The following PIK3CA variants were observed in gnomAD, a reference collection of about 807,000 sequenced individuals.
The protein encoded by PIK3CA is phosphatidylinositol 4,5-bisphosphate 3-kinase catalytic subunit alpha isoform.
Under a neutral mutation model 138.2 loss-of-function variants are expected in PIK3CA, and 27 were observed. The ratio of observed to expected loss-of-function variants is 0.20; its 90% CI spans 0.14 to 0.27. PIK3CA has a LOEUF of 0.27. Ranked by LOEUF, PIK3CA falls within the 10% of genes least tolerant of loss-of-function variation. The probability of loss-of-function intolerance (pLI) is 1.00; values close to 1 mark genes in which losing one functional copy is unlikely to be tolerated. For synonymous variants in PIK3CA, 358 were observed against 413.2 expected (o/e 0.87, Z 1.62); for missense variants, 544 against 1,277.4 (o/e 0.43, Z 8.75).
chr3:179,203,048 C>T (rs1235167881), intron 4 of PIK3CA, among the ~76,000 whole-genome samples: 1 of 148,038 alleles, frequency 6.8e-6, no homozygotes, highest in Non-Finnish European at 1.5e-5. Context: ...TCACGCCATT[C>T]TCCTGCCTCA....
rs187933662 is a variant in PIK3CA, at chr3:179,194,931, A to G, written c.-76-3819A>G. ...TCCCCAGTAAACTATGAGACCCTTA[A>G]CTGTGGAAGGGAAGGCATCTTTTTA... On this transcript the variant is annotated intron_variant, in intron 1 of 20. Coordinates refer to ENST00000263967, the MANE Select transcript of PIK3CA (RefSeq NM_006218.4). 7.3e-5 allele frequency among the ~76,000 whole-genome samples: 11 copies of G among 151,496 alleles called. No individual in the cohort carries two copies. The East Asian group carries it at 2.1e-3, about 29-fold the overall frequency.
chr3:179,234,959 C>A lies in PIK3CA; in HGVS notation c.*595C>A, dbSNP rs980482997. ...CTTGAGATTTCACCAGAGACTTTTT[C>A]TTTTTAATAAATCAAACCTTTTGAT... On this transcript the variant is annotated 3_prime_UTR_variant, in exon 21 of 21. Transcript: ENST00000263967. The surrounding 1 kb of genome is among the most constrained non-coding windows in gnomAD (Gnocchi z 5.1). The A allele has an allele frequency of 4.5e-6, 1 of 220,294 alleles. No individual in the cohort carries two copies. Among genetic ancestry groups the A allele is most frequent in the African/African-American group, 2.3e-5 (1 of 44,322 alleles). The allele number at this position is 220,294 out of a possible 1,614,324, so 13.6% of individuals were successfully genotyped here.
At chr3:179,201,866 A>G (rs531664369) in intron 4 of PIK3CA, among the ~76,000 whole-genome samples, 1 of 152,272 alleles carries the variant, frequency 6.6e-6, no homozygotes, top group East Asian at 1.9e-4. Flanking sequence ...GTGGCTTCCC[A>G]AAGTGCTGGG....
intron 17 of PIK3CA, among the ~76,000 whole-genome samples, chr3:179,227,152 A>AT (rs1328297627): frequency 6.6e-5 from 10 of 152,016 alleles, no homozygotes; most frequent in Admixed American, 5.9e-4. Flanking sequence ...TTAGTCTTGT[A>AT]TTTTCTGAAT....
chr3:179,222,888 T>C (rs574720175), intron 14 of PIK3CA, among the ~76,000 whole-genome samples: 3 of 152,336 alleles, frequency 2.0e-5, no homozygotes, highest in East Asian at 3.9e-4. Context: ...GTCAAAACCA[T>C]TGTAAGTTGG....
rs377089709 is a variant in PIK3CA, at chr3:179,230,772, T to C, written c.2936+396T>C. On this transcript the variant is annotated intron_variant, in intron 20 of 20. Transcript: ENST00000263967. This position sits in a 1 kb window ranked among gnomAD's most constrained non-coding sequence, Gnocchi z 5.4. ...CTGTATCAAAATAAATAAAATGAAA[T>C]AATAGAAGTTCTTTTACCACTTCAG... Among the ~76,000 whole-genome samples, 5 of 152,070 alleles carry C rather than the reference T, an allele frequency of 3.3e-5. No homozygotes were observed. In the East Asian group the frequency reaches 9.6e-4, roughly 29 times the overall value.
intron 1 of PIK3CA, among the ~76,000 whole-genome samples, chr3:179,183,532 A>G (rs1031199643): frequency 6.6e-6 from 1 of 152,216 alleles, no homozygotes; most frequent in Non-Finnish European, 1.5e-5. Context: ...TTGGCATTTG[A>G]AATGAGCAGG....
intron 1 of PIK3CA, among the ~76,000 whole-genome samples, chr3:179,165,498 C>T (rs953265972): frequency 1.3e-5 from 2 of 151,970 alleles, no homozygotes; most frequent in Non-Finnish European, 2.9e-5. Context: ...CTTAAGTAGT[C>T]CTCCCACCTC....
chr3:179,182,132 C>T (rs1291985080), intron 1 of PIK3CA, among the ~76,000 whole-genome samples: 1 of 152,130 alleles, frequency 6.6e-6, no homozygotes, highest in African/African-American at 2.4e-5. Flanking sequence ...CTTACGTCTT[C>T]CTCTGTGCCT....
Position 179,220,171 on chromosome 3 carries a change from A to G in PIK3CA, c.2015+119A>G, listed in dbSNP as rs571721530. ...TTATGTTTGGCTGGAAGAGTTTTCC[A>G]TACTAAAAGTATTTTGTACCAGTGA... is the stretch of plus-strand genomic sequence containing the variant. On this transcript the variant is annotated intron_variant, in intron 13 of 20. Transcript: ENST00000263967. The surrounding 1 kb of genome is among the most constrained non-coding windows in gnomAD (Gnocchi z 4.1). The G allele has an allele frequency of 5.0e-5, 47 of 939,600 alleles. No homozygotes were observed. In the African/African-American group the frequency reaches 6.2e-4, roughly 12 times the overall value. 58.2% of individuals were successfully genotyped at this position (939,600 alleles called of 1,614,324 possible). A position where few individuals can be genotyped will look rare whatever the true frequency, so the allele number is the denominator to read the frequency against.
At chr3:179,226,396 C>T (rs1725083183) in intron 17 of PIK3CA, among the ~76,000 whole-genome samples, 1 of 151,988 alleles carries the variant, frequency 6.6e-6, no homozygotes. Flanking sequence ...TGTATAAATC[C>T]TCAAATATTG....
At chr3:179,178,261 C>CA (rs60887179) in intron 1 of PIK3CA, among the ~76,000 whole-genome samples, 3,596 of 79,814 alleles carry the variant, frequency 0.045, 105 homozygotes, top group East Asian at 0.16. Flanking sequence ...CTCTAAAGAT[C>CA]AAAAAAAAAA....
rs553009508 is a variant in PIK3CA, at chr3:179,162,952, A to G, written c.-77+14349A>G. Among the ~76,000 whole-genome samples, 5 of 152,286 alleles carry G rather than the reference A, an allele frequency of 3.3e-5. No homozygotes were observed. The South Asian group carries it at 1.0e-3, about 32-fold the overall frequency. On this transcript the variant is annotated intron_variant, in intron 1 of 20. Transcript: ENST00000263967. ...AAGTAAGGTATCTTTTGAGTGGAAAATGAAGGACAGAGCGCTAACCCTGTA... is the reference window on the plus strand; with the variant it reads ...AAGTAAGGTATCTTTTGAGTGGAAAGTGAAGGACAGAGCGCTAACCCTGTA...
At chr3:179,211,689 G>A (rs1474342997) in intron 9 of PIK3CA, among the ~76,000 whole-genome samples, 1 of 151,968 alleles carries the variant, frequency 6.6e-6, no homozygotes. Context: ...AAAACAAAAT[G>A]CTATGTAATG....
intron 9 of PIK3CA, among the ~76,000 whole-genome samples, chr3:179,215,291 T>C (rs183045381): frequency 6.6e-6 from 1 of 152,228 alleles, no homozygotes; most frequent in Non-Finnish European, 1.5e-5. Context: ...AGAATTGATA[T>C]TTGATGACTG....
At chr3:179,158,000 G>T (rs968136281) in intron 1 of PIK3CA, among the ~76,000 whole-genome samples, 6 of 152,236 alleles carry the variant, frequency 3.9e-5, no homozygotes, top group African/African-American at 1.4e-4. Flanking sequence ...TAAGCACTCA[G>T]TAAGTATCTG....
chr3:179,224,672 C>G (rs750426691), intron 15 of PIK3CA, 28 bp from the exon 16 acceptor site: 10 of 1,458,236 alleles, frequency 6.9e-6, no homozygotes, highest in Non-Finnish European at 9.3e-6. Context: ...AGCAAAGGTA[C>G]CTAGTAAAGT....
chr3:179,191,741 A>G (rs1181627240), intron 1 of PIK3CA, among the ~76,000 whole-genome samples: 1 of 152,128 alleles, frequency 6.6e-6, no homozygotes, highest in Non-Finnish European at 1.5e-5. Context: ...GGTTCAAACA[A>G]TTCTCTTGCC....
intron 1 of PIK3CA, among the ~76,000 whole-genome samples, chr3:179,153,214 A>G (rs949060188): frequency 1.3e-5 from 2 of 152,360 alleles, no homozygotes; most frequent in East Asian, 1.9e-4. Flanking sequence ...GCGGTTACAG[A>G]TATCAGCAGA....
Sources: allele counts gnomAD v4.1 joint callset (sites outside exome capture counted in the v4.1 genomes callset), GRCh38; gene constraint gnomAD v4.1.1; non-coding constraint Gnocchi (gnomAD v3.1); transcripts MANE v1.5; gene names NCBI Gene and HGNC (gene_info 2026-07-23, HGNC 2026-07-21).